The following QTMAN variants were observed in gnomAD, a reference collection of about 807,000 sequenced individuals.
The protein encoded by QTMAN is queuosine-tRNA mannosyltransferase.
chr2:143,941,880 C>T, the QTMAN span: 5 of 152,162 alleles, frequency 3.3e-5, no homozygotes, highest in Admixed American at 2.0e-4. Context: ...ACAATGATAA[C>T]ATCCCATGTA....
the QTMAN span, among the ~76,000 whole-genome samples, chr2:144,175,029 A>T: frequency 6.6e-6 from 1 of 152,166 alleles, no homozygotes; most frequent in African/African-American, 2.4e-5. Context: ...GAAGTAAAAT[A>T]AATTTTGGAG....
At chr2:144,262,161 T>C in the QTMAN span, among the ~76,000 whole-genome samples, 5 of 151,750 alleles carry the variant, frequency 3.3e-5, no homozygotes, top group African/African-American at 1.2e-4. Flanking sequence ...GGTTAGAAAA[T>C]GTAAGGTTAT....
chr2:144,289,603 T>G, the QTMAN span, among the ~76,000 whole-genome samples: 8 of 152,160 alleles, frequency 5.3e-5, no homozygotes, highest in African/African-American at 1.9e-4. Context: ...AAATAGCTGT[T>G]TAACCCAAAA....
chr2:144,299,279 T>TC, the QTMAN span, among the ~76,000 whole-genome samples: 218 of 151,572 alleles, frequency 1.4e-3, no homozygotes, highest in Middle Eastern at 3.4e-3. Flanking sequence ...AACAAAATCT[T>TC]CCCCCCCAAC....
At chr2:143,999,667 CCT>C in the QTMAN span, among the ~76,000 whole-genome samples, 15 of 152,020 alleles carry the variant, frequency 9.9e-5, no homozygotes, top group Admixed American at 9.2e-4. Flanking sequence ...CTCACCCACC[CCT>C]GACTATGATG....
the QTMAN span, among the ~76,000 whole-genome samples, chr2:144,208,344 C>T: frequency 6.6e-6 from 1 of 152,110 alleles, no homozygotes; most frequent in African/African-American, 2.4e-5. Context: ...CATACCCATA[C>T]CCCTATACAT....
chr2:144,235,394 A>G, the QTMAN span, among the ~76,000 whole-genome samples: 83 of 152,290 alleles, frequency 5.5e-4, no homozygotes, highest in Non-Finnish European at 8.7e-4. Flanking sequence ...AGAGCTGTCC[A>G]CAACTCTCCA....
the QTMAN span, among the ~76,000 whole-genome samples, chr2:144,251,617 A>G: frequency 6.6e-6 from 1 of 152,198 alleles, no homozygotes; most frequent in African/African-American, 2.4e-5. Context: ...ACATAAAACT[A>G]TAAACCTACT....
At chr2:143,993,424 G>T in the QTMAN span, among the ~76,000 whole-genome samples, 5 of 151,822 alleles carry the variant, frequency 3.3e-5, no homozygotes, top group East Asian at 7.7e-4. Context: ...AAGGGGGGGG[G>T]ACTTTGCAGA....
At chr2:144,182,861 AATATATATATATTATATATATATTTTAT>A in the QTMAN span, among the ~76,000 whole-genome samples, 5 of 66,762 alleles carry the variant, frequency 7.5e-5, no homozygotes, top group Non-Finnish European at 9.9e-5. Flanking sequence ...TTTTATATAT[AATATATATATATTATATATATATTTTAT>A]ATATATATAT....
At chr2:144,049,685 T>C in the QTMAN span, among the ~76,000 whole-genome samples, 1 of 152,172 alleles carries the variant, frequency 6.6e-6, no homozygotes, top group Non-Finnish European at 1.5e-5. Context: ...TACAAACCCA[T>C]TACTTGTCAA....
the QTMAN span, among the ~76,000 whole-genome samples, chr2:144,038,820 G>A: frequency 6.6e-6 from 1 of 152,062 alleles, no homozygotes; most frequent in Non-Finnish European, 1.5e-5. Context: ...GATGGCATGT[G>A]GATTTTAAGT....
chr2:143,953,083 C>T, the QTMAN span, among the ~76,000 whole-genome samples: 2 of 151,740 alleles, frequency 1.3e-5, no homozygotes, highest in African/African-American at 2.4e-5. Flanking sequence ...TTAATCAAAG[C>T]GCAGCTCTGC....
the QTMAN span, among the ~76,000 whole-genome samples, chr2:144,245,485 C>A: frequency 6.6e-6 from 1 of 152,146 alleles, no homozygotes; most frequent in African/African-American, 2.4e-5. Context: ...AAGAAAGACT[C>A]TGGTAAAATC....
At chr2:144,135,518 A>G in the QTMAN span, among the ~76,000 whole-genome samples, 2 of 152,134 alleles carry the variant, frequency 1.3e-5, no homozygotes, top group African/African-American at 4.8e-5. Flanking sequence ...CATTTTTTCT[A>G]TCAAAATTCT....
At chr2:144,073,230 C>T in the QTMAN span, among the ~76,000 whole-genome samples, 1 of 149,282 alleles carries the variant, frequency 6.7e-6, no homozygotes, top group Admixed American at 6.7e-5. Flanking sequence ...AAGGATTAAA[C>T]ATATATATAT....
chr2:144,003,498 G>A, the QTMAN span, among the ~76,000 whole-genome samples: 1 of 150,860 alleles, frequency 6.6e-6, no homozygotes, highest in African/African-American at 2.4e-5. Flanking sequence ...TCTACTAACC[G>A]TGCCTTGCTA....
the QTMAN span, among the ~76,000 whole-genome samples, chr2:144,221,892 CA>C: frequency 6.6e-6 from 1 of 152,118 alleles, no homozygotes; most frequent in African/African-American, 2.4e-5. Context: ...AAGTAATTCT[CA>C]ATCTTAAAAT....
At chr2:144,027,513 T>C in the QTMAN span, among the ~76,000 whole-genome samples, 9 of 152,176 alleles carry the variant, frequency 5.9e-5, no homozygotes, top group African/African-American at 1.9e-4. Context: ...TTAGGTTAGG[T>C]TGAAGTAAGA....
Sources: allele counts gnomAD v4.1 joint callset (sites outside exome capture counted in the v4.1 genomes callset), GRCh38; gene constraint gnomAD v4.1.1; transcripts MANE v1.5; gene names NCBI Gene and HGNC (gene_info 2026-07-23, HGNC 2026-07-21).